The following PTGR3 variants were observed in gnomAD, a reference collection of about 807,000 sequenced individuals.
PTGR3 encodes the protein prostaglandin reductase 3, also known as zinc binding alcohol dehydrogenase domain containing 2.
At chr18:75,196,632 C>CAAAAAAAAAAAA in the PTGR3 span, 1 of 72,206 alleles carries the variant, frequency 1.4e-5, no homozygotes, top group African/African-American at 6.0e-5. Context: ...GGTCTTGTCC[C>CAAAAAAAAAAAA]AAAAAAAAAA....
At chr18:75,209,023 G>A in the PTGR3 span, 3 of 1,577,162 alleles carry the variant, frequency 1.9e-6, no homozygotes, top group South Asian at 1.2e-5. This position sits in a 1 kb window ranked among gnomAD's most constrained non-coding sequence, Gnocchi z 4.7. Context: ...ACATGTCCAC[G>A]ATGGCCCGGG....
chr18:75,203,637 A>G, the PTGR3 span, among the ~76,000 whole-genome samples: 4 of 152,316 alleles, frequency 2.6e-5, no homozygotes, highest in East Asian at 1.9e-4. Flanking sequence ...CACAGCCTCA[A>G]TAACACCCCA....
chr18:75,202,178 C>T, the PTGR3 span: 1 of 1,614,116 alleles, frequency 6.2e-7, no homozygotes, highest in Non-Finnish European at 8.5e-7. Flanking sequence ...AACCAGGTGC[C>T]ATGTAAGCCA....
chr18:75,205,638 A>C, the PTGR3 span: 14 of 284,768 alleles, frequency 4.9e-5, no homozygotes, highest in Non-Finnish European at 6.3e-5. Flanking sequence ...ACAAAAACCA[A>C]AGGCGAGGAT....
the PTGR3 span, chr18:75,197,274 T>C: frequency 3.9e-5 from 6 of 152,200 alleles, no homozygotes; most frequent in East Asian, 1.2e-3. Context: ...TGTAGCTGGA[T>C]TGTTTGCAAC....
the PTGR3 span, among the ~76,000 whole-genome samples, chr18:75,204,769 G>T: frequency 6.6e-6 from 1 of 152,182 alleles, no homozygotes; most frequent in East Asian, 2.0e-4. Context: ...CGGGTCGGGC[G>T]GGGGCCCCGG....
At chr18:75,200,228 G>A in the PTGR3 span, 1 of 152,252 alleles carries the variant, frequency 6.6e-6, no homozygotes, top group East Asian at 1.9e-4. Context: ...TAAGAGGGAA[G>A]CCGATGAGCC....
At chr18:75,196,065 C>T in the PTGR3 span, 2 of 152,164 alleles carry the variant, frequency 1.3e-5, no homozygotes, top group African/African-American at 4.8e-5. Context: ...CATTCCTTAC[C>T]CACGTTTCAA....
At chr18:75,199,127 T>G in the PTGR3 span, 8 of 152,764 alleles carry the variant, frequency 5.2e-5, no homozygotes, top group Non-Finnish European at 7.3e-5. Context: ...ACATGAGGTT[T>G]TCAGATTATA....
chr18:75,198,197 T>A, the PTGR3 span: 1 of 152,202 alleles, frequency 6.6e-6, no homozygotes, highest in Non-Finnish European at 1.5e-5. Flanking sequence ...AAGGCAGGCA[T>A]GTGTCTTAAA....
the PTGR3 span, chr18:75,196,212 G>A: frequency 6.6e-6 from 1 of 152,164 alleles, no homozygotes; most frequent in African/African-American, 2.4e-5. Context: ...TTTCATATTA[G>A]ATGCTACCAC....
At chr18:75,198,234 T>A in the PTGR3 span, 1 of 152,192 alleles carries the variant, frequency 6.6e-6, no homozygotes, top group Admixed American at 6.5e-5. Context: ...GCTTCCAGCA[T>A]CTTGTGGTGG....
At chr18:75,208,824 G>T in the PTGR3 span, 3 of 1,451,454 alleles carry the variant, frequency 2.1e-6, no homozygotes, top group South Asian at 1.4e-5. Context: ...GAACGGGGGC[G>T]TGGGGTTGGG....
the PTGR3 span, chr18:75,209,128 C>CGGCTGTGCTCTGCTCGGCTA: frequency 1.5e-6 from 2 of 1,290,404 alleles, no homozygotes; most frequent in Non-Finnish European, 9.9e-7. This position sits in a 1 kb window ranked among gnomAD's most constrained non-coding sequence, Gnocchi z 4.7. Context: ...CCGCTCGGCT[C>CGGCTGTGCTCTGCTCGGCTA]GGCTGTGCTC....
chr18:75,209,012 G>C, the PTGR3 span: 1 of 1,586,180 alleles, frequency 6.3e-7, no homozygotes, highest in African/African-American at 1.4e-5. The surrounding 1 kb of genome is among the most constrained non-coding windows in gnomAD (Gnocchi z 4.7). Context: ...GCGGGCGTAC[G>C]ACATGTCCAC....
At chr18:75,200,449 G>A in the PTGR3 span, 1 of 152,226 alleles carries the variant, frequency 6.6e-6, no homozygotes, top group Non-Finnish European at 1.5e-5. Flanking sequence ...CCTCTAAGGA[G>A]AAGCAAATGT....
At chr18:75,197,837 T>G in the PTGR3 span, 1 of 152,252 alleles carries the variant, frequency 6.6e-6, no homozygotes, top group Non-Finnish European at 1.5e-5. Context: ...TGCATCCAGA[T>G]TGTATTCAGA....
chr18:75,208,561 G>A, the PTGR3 span: 2 of 1,085,554 alleles, frequency 1.8e-6, no homozygotes, highest in Non-Finnish European at 2.3e-6. Flanking sequence ...GAGCGGGAGG[G>A]GGAGGAGGGA....
At chr18:75,206,667 C>T in the PTGR3 span, among the ~76,000 whole-genome samples, 1 of 152,142 alleles carries the variant, frequency 6.6e-6, no homozygotes. Context: ...TCTGTCCCCT[C>T]CCAACTCAAA....
Sources: allele counts gnomAD v4.1 joint callset (sites outside exome capture counted in the v4.1 genomes callset), GRCh38; gene constraint gnomAD v4.1.1; non-coding constraint Gnocchi (gnomAD v3.1); transcripts MANE v1.5; gene names NCBI Gene and HGNC (gene_info 2026-07-23, HGNC 2026-07-21).